Variants in POLR2M observed in about 807,000 individuals in gnomAD.
The protein encoded by POLR2M is protein GRINL1A.
Under a neutral mutation model 34.6 loss-of-function variants are expected in POLR2M, and 30 were observed. That is an observed-to-expected ratio of 0.87 (90% CI 0.65 to 1.18). The LOEUF is 1.18. POLR2M is among the 50% of genes most tolerant of loss of function. POLR2M has a pLI of 0.00. For synonymous variants in POLR2M, 150 were observed against 166.7 expected (o/e 0.90, Z 0.77); for missense variants, 432 against 448.7 (o/e 0.96, Z 0.34).
chr15:57,714,370 C>G (rs571327631), intron 3 of POLR2M, among the ~76,000 whole-genome samples, 166 bp from the exon 4 acceptor site: 1 of 152,090 alleles, frequency 6.6e-6, no homozygotes, highest in Admixed American at 6.6e-5. Context: ...GAAGCATTAC[C>G]CAGTTGTGTC....
Position 57,717,508 on chromosome 15 carries a change from G to C in POLR2M, c.*2829G>C, listed in dbSNP as rs1278745686. ...TACCAGTTATGTGTATAACAATATG[G>C]TTTACATTTTGCTCACTTTTGACTT... On this transcript the variant is annotated 3_prime_UTR_variant, in exon 4 of 4. Transcript: ENST00000299638. The C allele has an allele frequency of 2.0e-5, 3 of 152,080 alleles. No homozygotes were observed. The highest frequency in any genetic ancestry group is 7.2e-5 in the African/African-American group (3 of 41,406). 9.4% of individuals were successfully genotyped at this position (152,080 alleles called of 1,614,324 possible).
chr15:57,710,986 C>T (rs2040688274), intron 2 of POLR2M, among the ~76,000 whole-genome samples: 2 of 152,150 alleles, frequency 1.3e-5, no homozygotes, highest in African/African-American at 4.8e-5. Context: ...ACCTCTATCC[C>T]AGATCTTCCC....
At chr15:57,707,962 TAAAG>T (rs776934963) in intron 1 of POLR2M, among the ~76,000 whole-genome samples, 13 of 152,098 alleles carry the variant, frequency 8.5e-5, no homozygotes, top group Non-Finnish European at 1.6e-4. Context: ...ATTGTATAGT[TAAAG>T]AAAAGGGAAT....
intron 2 of POLR2M, among the ~76,000 whole-genome samples, chr15:57,709,934 C>A (rs1217139860): frequency 6.6e-6 from 1 of 152,158 alleles, no homozygotes; most frequent in East Asian, 1.9e-4. Flanking sequence ...TTTGCATGCT[C>A]ACTGTATGTA....
chr15:57,708,166 G>A (rs1026852588), intron 1 of POLR2M, among the ~76,000 whole-genome samples: 4 of 152,254 alleles, frequency 2.6e-5, no homozygotes, highest in East Asian at 1.9e-4. Flanking sequence ...TGTATCTAGC[G>A]AAATGTATTT....
chr15:57,715,435 A>G lies in POLR2M; in HGVS notation c.*756A>G, dbSNP rs2040903807. 6.6e-6 allele frequency: 1 copy of G among 152,114 alleles called. No individual in the cohort carries two copies. The allele number at this position is 152,114 out of a possible 1,614,324, so 9.4% of individuals were successfully genotyped here. ...GCAATCTAGGTGGAGGTCTTTTTAAATAACCTCATGTTACTTCAGGCAAAT... is the reference window on the plus strand; with the variant it reads ...GCAATCTAGGTGGAGGTCTTTTTAAGTAACCTCATGTTACTTCAGGCAAAT... On this transcript the variant is annotated 3_prime_UTR_variant, in exon 4 of 4. Transcript: ENST00000299638.
Position 57,716,299 on chromosome 15 carries a change from T to C in POLR2M, c.*1620T>C, listed in dbSNP as rs1388393235. The C allele has an allele frequency of 6.6e-6, 1 of 152,270 alleles. No homozygotes were observed. The highest frequency in any genetic ancestry group is 2.4e-5 in the African/African-American group (1 of 41,482). 9.4% of individuals were successfully genotyped at this position (152,270 alleles called of 1,614,324 possible). On this transcript the variant is annotated 3_prime_UTR_variant, in exon 4 of 4. Coordinates refer to ENST00000299638, the MANE Select transcript of POLR2M (RefSeq NM_015532.5). ...TCATGGGTATACCATAACTTTAAGA[T>C]TTATTTCCTATTCAGCAATTTGATT...
At position 57,717,072 on chromosome 15, in the gene POLR2M, A is replaced by G. The variant is rs2040975875; in HGVS notation, c.*2393A>G. The G allele has an allele frequency of 6.6e-6, 1 of 152,194 alleles. No homozygotes were observed. The highest frequency in any genetic ancestry group is 6.5e-5 in the Admixed American group (1 of 15,274). 9.4% of individuals were successfully genotyped at this position (152,194 alleles called of 1,614,324 possible). On this transcript the variant is annotated 3_prime_UTR_variant, in exon 4 of 4. Coordinates refer to ENST00000299638, the MANE Select transcript of POLR2M (RefSeq NM_015532.5). Reference sequence around the variant, plus strand: ...AGGTAGGGATTTGATTTTATTTCGAAGAATTTACCAATTGGTTCAGTATGT... The same window carrying G: ...AGGTAGGGATTTGATTTTATTTCGAGGAATTTACCAATTGGTTCAGTATGT...
In POLR2M at chr15:57,712,184, A is replaced by T; in HGVS notation, c.959A>T (p.Tyr320Phe). The T allele has an allele frequency of 6.2e-7, 1 of 1,614,112 alleles. No homozygotes were observed. The highest frequency in any genetic ancestry group is 8.5e-7 in the Non-Finnish European group (1 of 1,180,024). The stretch of plus-strand genomic sequence containing the variant: ...CTTCAGAAACAGCAGAAACAGAATT[A>T]TGAGGTATTTAGAGTATTTTTTTTC... Reference protein sequence around the residue: ...LALQKQQKQNYEEMQAKLAAQ... With the variant: ...LALQKQQKQNFEEMQAKLAAQ... Residue 320 changes from tyrosine (Y) to phenylalanine (F), a missense_variant, in exon 3 of 4, where the codon TAT (tyrosine) becomes TTT (phenylalanine). Transcript: ENST00000299638.
In POLR2M at chr15:57,716,865, A is replaced by G. The variant is rs2140851090; in HGVS notation, c.*2186A>G. On this transcript the variant is annotated 3_prime_UTR_variant, in exon 4 of 4. Coordinates refer to ENST00000299638, the MANE Select transcript of POLR2M (RefSeq NM_015532.5). ...TACCTTTGTGTATGTGCTTGAAAGT[A>G]TTTTTGTAATCCAAGAATGGATAAA... is the stretch of plus-strand genomic sequence containing the variant. The G allele has an allele frequency of 6.6e-6, 1 of 152,270 alleles. No individual in the cohort carries two copies. 9.4% of individuals were successfully genotyped at this position (152,270 alleles called of 1,614,324 possible).
At chr15:57,711,899 A>T in intron 2 of POLR2M, 85 bp from the exon 3 acceptor site, 1 of 1,478,522 alleles carries the variant, frequency 6.8e-7, no homozygotes, top group South Asian at 1.3e-5. Context: ...TTAATTGCTA[A>T]GGTAAAGGCC....
intron 1 of POLR2M, chr15:57,707,253 T>C (rs1211358495): frequency 3.5e-6 from 4 of 1,147,610 alleles, no homozygotes; most frequent in East Asian, 2.6e-5. Flanking sequence ...TCCATGAGTC[T>C]GCTTTCTAAA....
intron 3 of POLR2M, among the ~76,000 whole-genome samples, chr15:57,712,893 C>G (rs1160559228): frequency 2.0e-5 from 3 of 152,116 alleles, no homozygotes; most frequent in African/African-American, 7.2e-5. Flanking sequence ...ATAATTTTAG[C>G]CTCCAGGAGA....
intron 2 of POLR2M, among the ~76,000 whole-genome samples, 170 bp from the exon 3 acceptor site, chr15:57,711,814 A>G (rs1211187370): frequency 6.6e-6 from 1 of 152,090 alleles, no homozygotes; most frequent in Admixed American, 6.5e-5. Context: ...AAGAGCCTGT[A>G]TGCACACAAA....
chr15:57,714,285 A>T (rs1397358594), intron 3 of POLR2M, among the ~76,000 whole-genome samples: 1 of 152,110 alleles, frequency 6.6e-6, no homozygotes, highest in Admixed American at 6.5e-5. Context: ...TCTTATATAG[A>T]GGAGTGTATT....
At chr15:57,707,295 C>A in intron 1 of POLR2M, 1 of 761,944 alleles carries the variant, frequency 1.3e-6, no homozygotes, top group South Asian at 1.7e-5. Context: ...TAACCCATAA[C>A]AGATTGTCAG....
chr15:57,707,155 C>T, intron 1 of POLR2M, 200 bp downstream of exon 1: 4 of 1,518,976 alleles, frequency 2.6e-6, no homozygotes, highest in Non-Finnish European at 3.5e-6. Flanking sequence ...CGTATGCCTG[C>T]GAGGATAGCT....
rs1248485106 is a variant in POLR2M at position 57,715,276 on chromosome 15, C to T, written c.*597C>T. On this transcript the variant is annotated 3_prime_UTR_variant, in exon 4 of 4. Coordinates refer to ENST00000299638, the MANE Select transcript of POLR2M (RefSeq NM_015532.5). The stretch of plus-strand genomic sequence containing the variant: ...TTATCTCTCTTCTGATTAGGAAGGA[C>T]TTCCCTTTTGAGTAGATGCTGGAAA... The T allele has an allele frequency of 6.6e-6, 1 of 152,656 alleles. No individual in the cohort carries two copies. The highest frequency in any genetic ancestry group is 1.5e-5 in the Non-Finnish European group (1 of 68,080). The allele number at this position is 152,656 out of a possible 1,614,324, so 9.5% of individuals were successfully genotyped here.
At chr15:57,711,896 C>A in intron 2 of POLR2M, 88 bp from the exon 3 acceptor site, 1 of 1,462,194 alleles carries the variant, frequency 6.8e-7, no homozygotes, top group Non-Finnish European at 9.3e-7. Flanking sequence ...GAATTAATTG[C>A]TAAGGTAAAG....
Sources: allele counts gnomAD v4.1 joint callset (sites outside exome capture counted in the v4.1 genomes callset), GRCh38; gene constraint gnomAD v4.1.1; transcripts MANE v1.5; gene names NCBI Gene and HGNC (gene_info 2026-07-23, HGNC 2026-07-21).